The following EXOC1L variants were observed in gnomAD, a reference collection of about 807,000 sequenced individuals.
EXOC1L encodes exocyst complex component 1-like.
EXOC1L carries 10 observed loss-of-function variants against 4.9 expected under a neutral mutation model. That is an observed-to-expected ratio of 2.02 (90% confidence interval 1.25 to 3.43). EXOC1L has a LOEUF of 3.43. Among genes scored for constraint, EXOC1L ranks in the 30% most tolerant of loss-of-function variants. The probability of loss-of-function intolerance (pLI) is 0.00; values close to 1 mark genes in which losing one functional copy is unlikely to be tolerated. For missense variants in EXOC1L, 114 were observed against 59.4 expected, an observed-to-expected ratio of 1.92 and a Z score of -3.02; for synonymous variants, 41 against 20.8, an observed-to-expected ratio of 1.97 and a Z score of -2.63.
At chr4:55,835,577 T>A (rs964171340) in intron 2 of EXOC1L, among the ~76,000 whole-genome samples, 5 of 152,052 alleles carry the variant, frequency 3.3e-5, no homozygotes, top group Admixed American at 3.3e-4. Flanking sequence ...TATTGCATAG[T>A]GGTTTTTATT....
At chr4:55,836,572 G>A (rs76945881) in intron 2 of EXOC1L, among the ~76,000 whole-genome samples, 7 of 151,986 alleles carry the variant, frequency 4.6e-5, no homozygotes, top group East Asian at 1.9e-4. Flanking sequence ...TGATTTGATC[G>A]TCCTTGCTAT....
chr4:55,828,917 G>T (rs1447039), intron 1 of EXOC1L, among the ~76,000 whole-genome samples: 3 of 152,028 alleles, frequency 2.0e-5, no homozygotes, highest in African/African-American at 2.4e-5. Context: ...CCTTTCCACA[G>T]GAAAAAACCC....
At chr4:55,836,214 T>C (rs1720156956) in intron 2 of EXOC1L, among the ~76,000 whole-genome samples, 1 of 151,926 alleles carries the variant, frequency 6.6e-6, no homozygotes, top group Non-Finnish European at 1.5e-5. Context: ...TTTAGGGCAA[T>C]GTTTGCCTCC....
At chr4:55,821,551 A>G (rs1719741411) in intron 1 of EXOC1L, among the ~76,000 whole-genome samples, 1 of 152,160 alleles carries the variant, frequency 6.6e-6, no homozygotes, top group Non-Finnish European at 1.5e-5. Context: ...GAAAAACATG[A>G]AAAATTAAAT....
intron 1 of EXOC1L, among the ~76,000 whole-genome samples, chr4:55,821,930 C>T (rs547915411): frequency 7.0e-4 from 107 of 152,286 alleles, no homozygotes; most frequent in Middle Eastern, 3.4e-3. Context: ...AATAAGTCAG[C>T]GTGTTGCTTG....
At chr4:55,821,988 A>C (rs1373933194) in intron 1 of EXOC1L, among the ~76,000 whole-genome samples, 1 of 152,216 alleles carries the variant, frequency 6.6e-6, no homozygotes, top group African/African-American at 2.4e-5. Context: ...TTCCATTGGT[A>C]ATGAATCAAA....
At chr4:55,824,198 T>C (rs933010818) in intron 1 of EXOC1L, among the ~76,000 whole-genome samples, 47 of 152,038 alleles carry the variant, frequency 3.1e-4, no homozygotes, top group African/African-American at 1.1e-3. Context: ...CTTTGTCTTC[T>C]AAAGGTAGAA....
At chr4:55,835,562 G>C (rs1331488487) in intron 2 of EXOC1L, among the ~76,000 whole-genome samples, 1 of 151,964 alleles carries the variant, frequency 6.6e-6, no homozygotes. Flanking sequence ...GCAGGAGTAA[G>C]GTGGTATTGC....
intron 1 of EXOC1L, among the ~76,000 whole-genome samples, chr4:55,827,412 T>C (rs1719912112): frequency 6.6e-6 from 1 of 152,170 alleles, no homozygotes; most frequent in African/African-American, 2.4e-5. Flanking sequence ...CGTTCCTCAA[T>C]TACTTTGTCT....
chr4:55,831,409 C>A lies in EXOC1L; in HGVS notation c.197C>A (p.Thr66Lys). 1.4e-6 allele frequency: 1 copy of A among 691,728 alleles called. No homozygotes were observed. Among genetic ancestry groups the A allele is most frequent in the South Asian group, 1.5e-5 (1 of 65,446 alleles). The allele number at this position is 691,728 out of a possible 1,614,324, so 42.8% of individuals were successfully genotyped here. ...RIGLDEKYEVTKKWSLNDLQM... is the reference protein window; with the variant it reads ...RIGLDEKYEVKKKWSLNDLQM... ...GGTTTAGATGAAAAATATGAAGTAA[C>A]AAAAAAGTGGTCTTTGAACGATCTG... Residue 66 changes from threonine (T) to lysine (K), a missense_variant, in exon 2 of 3, where the codon ACA becomes AAA. Thr to Lys is a moderately conservative substitution (Grantham distance 78). Transcript: ENST00000636125.
chr4:55,835,287 T>C (rs1720132115), intron 2 of EXOC1L, among the ~76,000 whole-genome samples: 1 of 151,854 alleles, frequency 6.6e-6, no homozygotes, highest in Admixed American at 6.6e-5. Flanking sequence ...TCCATATTTT[T>C]GCAATTGCAA....
intron 1 of EXOC1L, among the ~76,000 whole-genome samples, chr4:55,820,356 A>G (rs1418063603): frequency 1.3e-5 from 2 of 152,234 alleles, no homozygotes; most frequent in Non-Finnish European, 1.5e-5. Flanking sequence ...TTGTATTAGA[A>G]TACTTTGGTT....
intron 2 of EXOC1L, among the ~76,000 whole-genome samples, chr4:55,834,574 G>C (rs943800895): frequency 1.3e-5 from 2 of 151,816 alleles, no homozygotes; most frequent in African/African-American, 4.8e-5. Flanking sequence ...AGGCATGAGG[G>C]GTATTTTCTA....
intron 1 of EXOC1L, among the ~76,000 whole-genome samples, chr4:55,823,974 G>A (rs1222042707): frequency 1.3e-5 from 2 of 152,018 alleles, no homozygotes; most frequent in Admixed American, 1.3e-4. Flanking sequence ...ATTTGATGGT[G>A]TTTATTATTC....
intron 2 of EXOC1L, among the ~76,000 whole-genome samples, chr4:55,833,680 C>T (rs1184641635): frequency 2.0e-5 from 3 of 151,814 alleles, no homozygotes; most frequent in Non-Finnish European, 4.4e-5. Context: ...TACAAGTTTG[C>T]TCAATGCCTA....
chr4:55,831,277 G>A (rs1347422921), intron 1 of EXOC1L, 57 bp from the exon 2 acceptor site: 1 of 507,682 alleles, frequency 2.0e-6, no homozygotes, highest in Non-Finnish European at 3.4e-6. Flanking sequence ...AGTATGACTT[G>A]AATAATTTAT....
At chr4:55,834,761 C>T (rs918696400) in intron 2 of EXOC1L, among the ~76,000 whole-genome samples, 4 of 151,596 alleles carry the variant, frequency 2.6e-5, no homozygotes, top group African/African-American at 9.7e-5. Flanking sequence ...AAGTGCTGCG[C>T]TTAAAAACCA....
intron 2 of EXOC1L, among the ~76,000 whole-genome samples, chr4:55,834,502 T>A (rs929838361): frequency 1.3e-5 from 2 of 151,984 alleles, no homozygotes; most frequent in Non-Finnish European, 2.9e-5. Flanking sequence ...CCTATGTGCA[T>A]GCATACTCAG....
chr4:55,828,560 G>A (rs1719941522), intron 1 of EXOC1L, among the ~76,000 whole-genome samples: 2 of 152,108 alleles, frequency 1.3e-5, no homozygotes, highest in Non-Finnish European at 2.9e-5. Context: ...GGCCAGGCAT[G>A]GTGACTCTCA....
Sources: allele counts gnomAD v4.1 joint callset (sites outside exome capture counted in the v4.1 genomes callset), GRCh38; gene constraint gnomAD v4.1.1; transcripts MANE v1.5; gene names NCBI Gene and HGNC (gene_info 2026-07-23, HGNC 2026-07-21).